RELN: variants seen among roughly 807,000 people sequenced by gnomAD.
The protein encoded by RELN is reelin.
A neutral mutation model predicts 427.6 loss-of-function variants in RELN; 108 were observed. The observed-to-expected ratio is 0.25, with a 90% CI of 0.22 to 0.30. RELN has a LOEUF of 0.30. Ranked by LOEUF, RELN falls within the 10% of genes least tolerant of loss-of-function variation. The probability of loss-of-function intolerance (pLI) is 1.00; values close to 1 mark genes in which losing one functional copy is unlikely to be tolerated. For missense variants in RELN, 3,715 were observed against 4,302.8 expected, an observed-to-expected ratio of 0.86 and a Z score of 3.82; for synonymous variants, 1,524 against 1,513.4, an observed-to-expected ratio of 1.01 and a Z score of -0.16.
intron 54 of RELN, 57 bp from the exon 55 acceptor site, chr7:103,497,983 C>G: frequency 1.2e-6 from 2 of 1,601,126 alleles, no homozygotes; most frequent in Non-Finnish European, 1.7e-6. Flanking sequence ...ATACTCTACT[C>G]AAGTCCTGGA....
intron 53 of RELN, among the ~76,000 whole-genome samples, chr7:103,498,990 T>C (rs180704894): frequency 4.6e-5 from 7 of 152,258 alleles, no homozygotes; most frequent in Admixed American, 2.6e-4. Context: ...CATTCCCCAA[T>C]GGATTGTCCT....
intron 10 of RELN, 148 bp from the exon 11 acceptor site, chr7:103,682,409 T>C (rs1255979800): frequency 1.4e-5 from 12 of 835,546 alleles, no homozygotes; most frequent in Non-Finnish European, 2.3e-5. Context: ...TGTTACCTCT[T>C]TTTTGCCTTG....
chr7:103,579,118 T>C (rs192817990), intron 28 of RELN, among the ~76,000 whole-genome samples: 1 of 152,242 alleles, frequency 6.6e-6, no homozygotes, highest in Non-Finnish European at 1.5e-5. Context: ...TAGCCCACAG[T>C]TGAGTGAGGA....
At chr7:103,538,573 C>G (rs1830108088) in intron 45 of RELN, among the ~76,000 whole-genome samples, 1 of 152,048 alleles carries the variant, frequency 6.6e-6, no homozygotes, top group Non-Finnish European at 1.5e-5. Flanking sequence ...AAAATGGGAA[C>G]AACAAAATGT....
At chr7:103,609,222 CAA>C (rs11342938) in intron 22 of RELN, among the ~76,000 whole-genome samples, 7,069 of 120,612 alleles carry the variant, frequency 0.059, 170 homozygotes, top group East Asian at 0.17. Flanking sequence ...GACTCTGTCT[CAA>C]AAAAAAAAAA....
intron 50 of RELN, among the ~76,000 whole-genome samples, chr7:103,514,978 A>G (rs1269832551): frequency 6.6e-6 from 1 of 152,232 alleles, no homozygotes; most frequent in Non-Finnish European, 1.5e-5. Flanking sequence ...ATATATAAAA[A>G]CACACTAGCT....
At chr7:103,985,044 G>C (rs1012880086) in intron 1 of RELN, among the ~76,000 whole-genome samples, 3 of 152,156 alleles carry the variant, frequency 2.0e-5, no homozygotes, top group African/African-American at 7.2e-5. Context: ...ACTGGAAATT[G>C]TCAAAATAAA....
At chr7:103,826,779 T>C (rs1224685868) in intron 3 of RELN, among the ~76,000 whole-genome samples, 1 of 152,116 alleles carries the variant, frequency 6.6e-6, no homozygotes, top group East Asian at 1.9e-4. Context: ...GATAAATATT[T>C]TAGATTTACT....
At chr7:103,759,085 G>A (rs1791231552) in intron 4 of RELN, among the ~76,000 whole-genome samples, 1 of 151,970 alleles carries the variant, frequency 6.6e-6, no homozygotes, top group African/African-American at 2.4e-5. Context: ...ACTGTTTTTA[G>A]AAGGTACTTT....
intron 27 of RELN, 74 bp downstream of exon 27, chr7:103,593,608 G>A (rs1008803023): frequency 7.7e-7 from 1 of 1,292,458 alleles, no homozygotes; most frequent in Admixed American, 1.7e-5. Context: ...TGTGTTCTTT[G>A]TGAGTTCCAC....
intron 45 of RELN, 80 bp from the exon 46 acceptor site, chr7:103,535,564 T>C (rs1385281976): frequency 7.4e-7 from 1 of 1,353,902 alleles, no homozygotes; most frequent in East Asian, 2.3e-5. Flanking sequence ...CATTTGTGTA[T>C]GTTTTAGTTT....
chr7:103,907,275 G>T (rs1795228620), intron 2 of RELN, among the ~76,000 whole-genome samples: 1 of 150,934 alleles, frequency 6.6e-6, no homozygotes, highest in Admixed American at 6.6e-5. Context: ...AATTAGCTGG[G>T]CATGGTGGTG....
intron 3 of RELN, among the ~76,000 whole-genome samples, chr7:103,832,956 C>T (rs918074511): frequency 1.3e-5 from 2 of 152,122 alleles, no homozygotes; most frequent in African/African-American, 2.4e-5. Context: ...TCCAATTGCT[C>T]TGATTTATTC....
intron 1 of RELN, among the ~76,000 whole-genome samples, chr7:103,921,317 T>C (rs111846183): frequency 0.025 from 3,753 of 152,284 alleles, 147 homozygotes; most frequent in African/African-American, 0.085. Flanking sequence ...TGAGCTTAAA[T>C]AGGTAAACTC....
At chr7:103,635,155 A>C (rs1295000278) in intron 19 of RELN, among the ~76,000 whole-genome samples, 3 of 152,198 alleles carry the variant, frequency 2.0e-5, no homozygotes, top group South Asian at 4.1e-4. Flanking sequence ...CACTGCGCCC[A>C]GCCTACTTTT....
intron 2 of RELN, among the ~76,000 whole-genome samples, chr7:103,915,677 T>C (rs1288141305): frequency 6.6e-6 from 1 of 151,350 alleles, no homozygotes; most frequent in Non-Finnish European, 1.5e-5. Context: ...CCCCCAGAGG[T>C]TTTAATTGGA....
chr7:103,709,689 T>C (rs1375948128), intron 8 of RELN, among the ~76,000 whole-genome samples: 1 of 152,236 alleles, frequency 6.6e-6, no homozygotes, highest in Non-Finnish European at 1.5e-5. Flanking sequence ...TGCCCATTTA[T>C]ACCAACAGTA....
intron 2 of RELN, among the ~76,000 whole-genome samples, chr7:103,897,973 T>G (rs550075988): frequency 6.6e-6 from 1 of 152,248 alleles, no homozygotes; most frequent in African/African-American, 2.4e-5. Flanking sequence ...ACAAACTAAT[T>G]AAAACTACAG....
intron 63 of RELN, among the ~76,000 whole-genome samples, chr7:103,480,160 T>A (rs1363468824): frequency 6.6e-6 from 1 of 152,200 alleles, no homozygotes; most frequent in Non-Finnish European, 1.5e-5. Flanking sequence ...AATCAAGTGT[T>A]CTGATACAAA....
Sources: allele counts gnomAD v4.1 joint callset (sites outside exome capture counted in the v4.1 genomes callset), GRCh38; gene constraint gnomAD v4.1.1; transcripts MANE v1.5; gene names NCBI Gene and HGNC (gene_info 2026-07-23, HGNC 2026-07-21).